The following ADCY10 variants were observed in gnomAD, a reference collection of about 807,000 sequenced individuals.
ADCY10 encodes the protein adenylate cyclase type 10.
In ADCY10, 156 loss-of-function variants were observed where a neutral mutation model predicts 183.3. The ratio of observed to expected loss-of-function variants is 0.85; its 90% CI spans 0.75 to 0.97. The LOEUF is 0.97. Ranked by LOEUF, ADCY10 falls within the 50% of genes least tolerant of loss-of-function variation. The probability of loss-of-function intolerance (pLI) is 0.00; values close to 1 mark genes in which losing one functional copy is unlikely to be tolerated. For synonymous variants in ADCY10, 645 were observed against 670.0 expected (o/e 0.96, Z 0.58); for missense variants, 1,745 against 1,934.3 (o/e 0.90, Z 1.84).
intron 31 of ADCY10, among the ~76,000 whole-genome samples, chr1:167,817,048 G>A (rs1662574372): frequency 3.3e-5 from 5 of 152,078 alleles, no homozygotes; most frequent in Admixed American, 2.6e-4. Context: ...CTTTGGACCC[G>A]CCAAACTGTG....
At chr1:167,856,054 G>C in intron 17 of ADCY10, 111 bp downstream of exon 17, 1 of 1,252,764 alleles carries the variant, frequency 8.0e-7, no homozygotes, top group Non-Finnish European at 1.1e-6. Flanking sequence ...GTGGGGCCAG[G>C]AAAGATACTG....
At chr1:167,882,484 C>CAAA (rs71100909) in intron 9 of ADCY10, among the ~76,000 whole-genome samples, 6,572 of 70,972 alleles carry the variant, frequency 0.093, 284 homozygotes, top group Non-Finnish European at 0.13. Flanking sequence ...GATTCCGTCT[C>CAAA]AAAAAAAAAA....
rs61745244 is a variant in ADCY10, at chr1:167,818,177, G to A, written c.4377C>T (p.Tyr1459=). 2,240 of 1,614,152 alleles carry A rather than the reference G, an allele frequency of 1.4e-3. 28 individuals carry two copies. The African/African-American group carries it at 0.026, about 19-fold the overall frequency. ...CCATGTACCTAGATATTCCGTCATAGTAAGTAAGTGTCATGGTTCTTCTTG... is the reference window on the plus strand; with the variant it reads ...CCATGTACCTAGATATTCCGTCATAATAAGTAAGTGTCATGGTTCTTCTTG... The part of the protein sequence containing the change: ...LLPRRTMTLT[Y]YDGISRYMEG... The change falls in exon 31 of 33, where the codon TAC becomes TAT. Residue 1459 remains tyrosine (Y), a synonymous_variant. Coordinates refer to ENST00000367851, the MANE Select transcript of ADCY10 (RefSeq NM_018417.6).
At chr1:167,865,288 GT>G (rs1422516472) in intron 14 of ADCY10, among the ~76,000 whole-genome samples, 2 of 152,128 alleles carry the variant, frequency 1.3e-5, no homozygotes, top group African/African-American at 2.4e-5. Context: ...AATGTTAATT[GT>G]AAAAAAAAAT....
chr1:167,824,443 C>A (rs1225607999), intron 28 of ADCY10, 33 bp downstream of exon 28: 1 of 1,579,538 alleles, frequency 6.3e-7, no homozygotes, highest in East Asian at 2.2e-5. Context: ...GGCCTCCTCC[C>A]CCTAATTTTG....
rs116791310 is a variant in ADCY10 at position 167,818,931 on chromosome 1, A to G, written c.4287-664T>C. Among the ~76,000 whole-genome samples the G allele has an allele frequency of 7.2e-3, 1,103 of 152,240 alleles. 9 individuals carry two copies. Among genetic ancestry groups the G allele is most frequent in the African/African-American group, 0.025 (1,031 of 41,544 alleles). ...GAAATTGTTCCAATACCAAAGAGAGATGATTTAGGCCAGTACTGCTCAAAA... is the reference window on the plus strand; with the variant it reads ...GAAATTGTTCCAATACCAAAGAGAGGTGATTTAGGCCAGTACTGCTCAAAA... On this transcript the variant is annotated intron_variant, in intron 30 of 32. Transcript: ENST00000367851.
chr1:167,894,843 A>G (rs1024931835), intron 7 of ADCY10, among the ~76,000 whole-genome samples: 2 of 152,160 alleles, frequency 1.3e-5, no homozygotes, highest in Non-Finnish European at 2.9e-5. Context: ...TTTGTAGAGG[A>G]TTCAACCAAT....
chr1:167,857,954 T>A (rs554790303), intron 16 of ADCY10, among the ~76,000 whole-genome samples: 4 of 152,194 alleles, frequency 2.6e-5, no homozygotes, highest in African/African-American at 4.8e-5. Flanking sequence ...TTTTTAATCT[T>A]TAGAGTTAGA....
chr1:167,899,567 C>T lies in ADCY10; in HGVS notation c.498G>A (p.Leu166=). 1 of 1,614,206 alleles carries T rather than the reference C, an allele frequency of 6.2e-7. No individual in the cohort carries two copies. Among genetic ancestry groups the T allele is most frequent in the South Asian group, 1.1e-5 (1 of 91,088 alleles). ...VFGDETHSHF[L]VIGQAVDDVR... Reference sequence around the variant, plus strand: ...CATCGTCCACTGCCTGACCAATCACCAGAAAGTGGCTGTGTGTTTCATCTC... The same window carrying T: ...CATCGTCCACTGCCTGACCAATCACTAGAAAGTGGCTGTGTGTTTCATCTC... The change falls in exon 6 of 33, where the codon CTG becomes CTA. Residue 166 remains leucine (L), a synonymous_variant. Transcript: ENST00000367851.
chr1:167,883,739 G>C (rs1284634866), intron 8 of ADCY10, 111 bp from the exon 9 acceptor site: 13 of 958,266 alleles, frequency 1.4e-5, no homozygotes, highest in Non-Finnish European at 2.0e-5. Context: ...CCTCAGAATG[G>C]GTGAGGTACA....
At chr1:167,859,275 C>T (rs1666125388) in intron 16 of ADCY10, among the ~76,000 whole-genome samples, 1 of 152,176 alleles carries the variant, frequency 6.6e-6, no homozygotes, top group African/African-American at 2.4e-5. Flanking sequence ...CGTGATATTA[C>T]TGGGAGAGAG....
At chr1:167,819,383 G>A (rs780532751) in intron 30 of ADCY10, among the ~76,000 whole-genome samples, 61 of 150,546 alleles carry the variant, frequency 4.1e-4, no homozygotes, top group Admixed American at 1.3e-3. Context: ...GATTACAGGC[G>A]CCTGCCATCA....
intron 8 of ADCY10, among the ~76,000 whole-genome samples, chr1:167,890,862 G>A (rs1668536861): frequency 6.6e-6 from 1 of 152,176 alleles, no homozygotes; most frequent in African/African-American, 2.4e-5. Context: ...GATAACTGAT[G>A]TATGGAGAAG....
Position 167,819,968 on chromosome 1 carries a change from A to T in ADCY10, c.4287-1701T>A, listed in dbSNP as rs930716783. 5.9e-6 allele frequency: 8 copies of T among 1,357,636 alleles called. No homozygotes were observed. The Admixed American group carries it at 1.4e-4, about 23-fold the overall frequency. 84.1% of individuals were successfully genotyped at this position (1,357,636 alleles called of 1,614,324 possible). A position where few individuals can be genotyped will look rare whatever the true frequency, so the allele number is the denominator to read the frequency against. Reference sequence around the variant, plus strand: ...ATCTTCATCTGTGCTGTATTCTTCCATTGTTTTGCCACTAACAAAGTGGAT... The same window carrying T: ...ATCTTCATCTGTGCTGTATTCTTCCTTTGTTTTGCCACTAACAAAGTGGAT... On this transcript the variant is annotated intron_variant, in intron 30 of 32. Transcript: ENST00000367851.
intron 14 of ADCY10, among the ~76,000 whole-genome samples, chr1:167,865,479 G>A (rs1211367868): frequency 6.6e-6 from 1 of 152,046 alleles, no homozygotes; most frequent in African/African-American, 2.4e-5. Flanking sequence ...ATGAAAAATT[G>A]GATAAATATG....
chr1:167,812,178 A>G (rs976385595), intron 31 of ADCY10, among the ~76,000 whole-genome samples: 1 of 152,194 alleles, frequency 6.6e-6, no homozygotes, highest in African/African-American at 2.4e-5. Flanking sequence ...CTTCTGATGG[A>G]AGAGGTAGGC....
chr1:167,847,538 C>G (rs1665134438), intron 19 of ADCY10, among the ~76,000 whole-genome samples: 1 of 152,062 alleles, frequency 6.6e-6, no homozygotes, highest in Non-Finnish European at 1.5e-5. Context: ...GCCTCAGTCT[C>G]CTCAGTAGCT....
At chr1:167,888,159 T>C (rs977360183) in intron 8 of ADCY10, among the ~76,000 whole-genome samples, 2 of 152,256 alleles carry the variant, frequency 1.3e-5, no homozygotes, top group Non-Finnish European at 2.9e-5. Context: ...ATGCCAGTAC[T>C]ATGCTATTTG....
intron 16 of ADCY10, 74 bp downstream of exon 16, chr1:167,859,730 ACTC>A: frequency 9.2e-7 from 1 of 1,082,332 alleles, no homozygotes; most frequent in Admixed American, 1.7e-5. Context: ...TGTGGTCTGA[ACTC>A]CTCAAACCAC....
Sources: allele counts gnomAD v4.1 joint callset (sites outside exome capture counted in the v4.1 genomes callset), GRCh38; gene constraint gnomAD v4.1.1; transcripts MANE v1.5; gene names NCBI Gene and HGNC (gene_info 2026-07-23, HGNC 2026-07-21).